COX10: variants seen among roughly 807,000 people sequenced by gnomAD.
COX10 encodes cytochrome c oxidase assembly factor heme A:farnesyltransferase COX10.
In COX10, 27 loss-of-function variants were observed where a neutral mutation model predicts 37.3. That is an observed-to-expected ratio of 0.72 (90% confidence interval 0.53 to 1.00). COX10 has a LOEUF of 1.00. Among genes scored for constraint, COX10 ranks in the 50% least tolerant of loss-of-function variants. The pLI, the probability that COX10 is intolerant of heterozygous loss-of-function variation, is 0.00. For missense variants in COX10, 475 were observed against 563.2 expected, an observed-to-expected ratio of 0.84 and a Z score of 1.59; for synonymous variants, 222 against 229.1, an observed-to-expected ratio of 0.97 and a Z score of 0.28.
At chr17:14,139,248 G>A (rs1290787122) in intron 4 of COX10, among the ~76,000 whole-genome samples, 1 of 151,988 alleles carries the variant, frequency 6.6e-6, no homozygotes, top group Non-Finnish European at 1.5e-5. Flanking sequence ...TTGCATGTCT[G>A]TTATAGTCAT....
At chr17:14,147,795 A>C (rs994497920) in intron 4 of COX10, among the ~76,000 whole-genome samples, 2 of 121,012 alleles carry the variant, frequency 1.7e-5, no homozygotes, top group Non-Finnish European at 3.7e-5. Context: ...ATTTAAAAAA[A>C]ATTTTTAAGA....
intron 4 of COX10, among the ~76,000 whole-genome samples, chr17:14,108,710 A>T: frequency 6.6e-6 from 1 of 152,264 alleles, no homozygotes; most frequent in Non-Finnish European, 1.5e-5. Context: ...AGAGCTCTGA[A>T]TTATAGAGTA....
intron 4 of COX10, among the ~76,000 whole-genome samples, chr17:14,137,358 T>C (rs1904406182): frequency 6.6e-6 from 1 of 151,626 alleles, no homozygotes; most frequent in Non-Finnish European, 1.5e-5. Flanking sequence ...ATCATAGAAA[T>C]TGCATTTCCA....
chr17:14,115,480 A>G (rs1916090390), intron 4 of COX10, among the ~76,000 whole-genome samples: 1 of 152,126 alleles, frequency 6.6e-6, no homozygotes. Context: ...AGATCTCTCA[A>G]AGAACTAAAA....
At chr17:14,165,376 G>T (rs990861016) in intron 5 of COX10, among the ~76,000 whole-genome samples, 5 of 152,068 alleles carry the variant, frequency 3.3e-5, no homozygotes, top group African/African-American at 9.7e-5. Context: ...AGTATTTCAA[G>T]CTTTTTTATT....
Position 14,192,061 on chromosome 17 carries a change from T to C in COX10, c.768T>C (p.Asn256=). The C allele has an allele frequency of 6.2e-7, 1 of 1,614,188 alleles. No homozygotes were observed. The highest frequency in any genetic ancestry group is 8.5e-7 in the Non-Finnish European group (1 of 1,180,040). The change falls in exon 6 of 7, where the codon AAT becomes AAC. Residue 256 remains asparagine (N), a synonymous_variant. Transcript: ENST00000261643. The stretch of plus-strand genomic sequence containing the variant: ...TTGCCATTCTGACCTTGGGGGTGAA[T>C]CCACTCACAGGAGCCCTGGGGCTCT... The part of the protein sequence containing the change: ...PGVAILTLGV[N]PLTGALGLFN...
chr17:14,141,802 T>G (rs1213266767), intron 4 of COX10, among the ~76,000 whole-genome samples: 1 of 152,170 alleles, frequency 6.6e-6, no homozygotes, highest in East Asian at 1.9e-4. Context: ...TGATTGTTGT[T>G]TAATGTTTCA....
At chr17:14,167,053 A>G (rs1014585468) in intron 5 of COX10, among the ~76,000 whole-genome samples, 5 of 152,162 alleles carry the variant, frequency 3.3e-5, no homozygotes, top group Non-Finnish European at 5.9e-5. Flanking sequence ...CATGAAAAAC[A>G]TTCATGATTC....
chr17:14,083,022 C>G (rs1597493671), intron 3 of COX10, among the ~76,000 whole-genome samples: 1 of 152,204 alleles, frequency 6.6e-6, no homozygotes, highest in East Asian at 1.9e-4. Flanking sequence ...GAGCCGGTCA[C>G]TACCACTGGC....
At chr17:14,107,826 G>T (rs771891764) in intron 4 of COX10, among the ~76,000 whole-genome samples, 1 of 152,100 alleles carries the variant, frequency 6.6e-6, no homozygotes. Flanking sequence ...TACTATGGTT[G>T]TCACTGATTC....
chr17:14,165,633 A>G (rs1905264952), intron 5 of COX10, among the ~76,000 whole-genome samples: 1 of 152,212 alleles, frequency 6.6e-6, no homozygotes. Flanking sequence ...TGTGCAAGTG[A>G]AAGGGACAAT....
intron 4 of COX10, among the ~76,000 whole-genome samples, chr17:14,126,298 C>G (rs1453468036): frequency 6.6e-6 from 1 of 152,100 alleles, no homozygotes; most frequent in Non-Finnish European, 1.5e-5. Context: ...TTCCTTTAGC[C>G]AATCCATTGA....
chr17:14,207,432 A>T lies in COX10; in HGVS notation c.*219A>T, dbSNP rs1906745419. 1.3e-5 allele frequency: 8 copies of T among 629,030 alleles called. No individual in the cohort carries two copies. The highest frequency in any genetic ancestry group is 2.9e-5 in the East Asian group (1 of 34,612). The allele number at this position is 629,030 out of a possible 1,614,324, so 39.0% of individuals were successfully genotyped here. A position where few individuals can be genotyped will look rare whatever the true frequency, so the allele number is the denominator to read the frequency against. On this transcript the variant is annotated 3_prime_UTR_variant, in exon 7 of 7. Coordinates refer to ENST00000261643, the MANE Select transcript of COX10 (RefSeq NM_001303.4). ...CTCAGTCAGTGAATACAAAAAAGGA[A>T]TTATTTTTCCCTTTGAGGGTCTTTA... is the stretch of plus-strand genomic sequence containing the variant.
chr17:14,136,217 C>T (rs1904361336), intron 4 of COX10, among the ~76,000 whole-genome samples: 1 of 151,846 alleles, frequency 6.6e-6, no homozygotes, highest in Admixed American at 6.6e-5. Flanking sequence ...AGAAATATTT[C>T]CATCAAAACT....
chr17:14,104,692 G>A (rs1915854789), intron 4 of COX10, among the ~76,000 whole-genome samples: 1 of 151,752 alleles, frequency 6.6e-6, no homozygotes, highest in Non-Finnish European at 1.5e-5. Context: ...TTAGTTTTCA[G>A]TATTCTTTGT....
At chr17:14,137,932 C>T (rs937064650) in intron 4 of COX10, among the ~76,000 whole-genome samples, 3 of 146,060 alleles carry the variant, frequency 2.1e-5, no homozygotes, top group African/African-American at 7.5e-5. Flanking sequence ...AATGTTCTTA[C>T]GTGGCAGACA....
chr17:14,181,169 C>A (rs1905845720), intron 5 of COX10, among the ~76,000 whole-genome samples: 1 of 152,058 alleles, frequency 6.6e-6, no homozygotes, highest in African/African-American at 2.4e-5. Context: ...AAGAGATGGC[C>A]ATACAAAAGA....
rs143005711 is a variant in COX10, at chr17:14,173,151, C to T, written c.695+13204C>T. 6.8e-3 allele frequency among the ~76,000 whole-genome samples: 1,035 copies of T among 152,282 alleles called. 15 individuals carry two copies. The highest frequency in any genetic ancestry group is 0.024 in the African/African-American group (990 of 41,540). On this transcript the variant is annotated intron_variant, in intron 5 of 6. Coordinates refer to ENST00000261643, the MANE Select transcript of COX10 (RefSeq NM_001303.4). ...AGGCACCATTTTCAATACTATATTA[C>T]AGAGGTGAACAAAACAGAAAAATTC...
At chr17:14,109,514 T>C (rs953689407) in intron 4 of COX10, among the ~76,000 whole-genome samples, 75 of 152,206 alleles carry the variant, frequency 4.9e-4, no homozygotes, top group Non-Finnish European at 9.6e-4. Context: ...CTGGTCATTA[T>C]TCGCTTCTTA....
Sources: gnomAD v4.1 joint callset for allele counts (sites outside exome capture counted in the v4.1 genomes callset) on GRCh38, gnomAD v4.1.1 for gene constraint, MANE v1.5 for transcripts, NCBI Gene and HGNC (gene_info 2026-07-23, HGNC 2026-07-21) for gene names.